PKD2L2: variants seen among roughly 807,000 people sequenced by gnomAD.
The protein encoded by PKD2L2 is polycystin-2-like protein 2.
PKD2L2 carries 67 observed loss-of-function variants against 83.9 expected under a neutral mutation model. That is an observed-to-expected ratio of 0.80 (90% CI 0.66 to 0.98). The LOEUF (loss-of-function observed/expected upper bound fraction) is 0.98. Among genes scored for constraint, PKD2L2 ranks in the 50% least tolerant of loss-of-function variants. The pLI is 0.00. For synonymous variants in PKD2L2, 223 were observed against 237.8 expected, an observed-to-expected ratio of 0.94 and a Z score of 0.57; for missense variants, 632 against 717.2, an observed-to-expected ratio of 0.88 and a Z score of 1.36.
At chr5:137,932,825 G>A (rs1759984621) in intron 12 of PKD2L2, among the ~76,000 whole-genome samples, 1 of 152,140 alleles carries the variant, frequency 6.6e-6, no homozygotes, top group African/African-American at 2.4e-5. Context: ...AAATGCTCCA[G>A]TGAGCATTTC....
chr5:137,895,186 G>A (rs1356633255), intron 4 of PKD2L2, among the ~76,000 whole-genome samples: 1 of 152,094 alleles, frequency 6.6e-6, no homozygotes, highest in Non-Finnish European at 1.5e-5. Flanking sequence ...GAAAATGTGA[G>A]GCTGGACATG....
rs745732509 is a variant in PKD2L2 at position 137,936,308 on chromosome 5, G to A, written c.1785-12G>A. 1.4e-5 allele frequency: 22 copies of A among 1,527,180 alleles called. No homozygotes were observed. Among genetic ancestry groups the A allele is most frequent in the South Asian group, 3.6e-5 (3 of 83,832 alleles). 94.6% of individuals were successfully genotyped at this position (1,527,180 alleles called of 1,614,324 possible). ...TACTGACTCATTCTCTACTTCCTTC[G>A]AAATTTTCTAGACTTTTTTTATATG... On this transcript the variant is annotated splice_polypyrimidine_tract_variant and intron_variant, in intron 13 of 14. Transcript: ENST00000508883.
At chr5:137,937,906 GTCT>G (rs1760622344) in intron 14 of PKD2L2, 1 of 150,892 alleles carries the variant, frequency 6.6e-6, no homozygotes, top group South Asian at 2.1e-4. Context: ...AACACTTGAG[GTCT>G]TTTTTTTTTT....
At chr5:137,909,684 G>A (rs1220202365) in intron 8 of PKD2L2, among the ~76,000 whole-genome samples, 1 of 151,372 alleles carries the variant, frequency 6.6e-6, no homozygotes. Context: ...AGCTGGGTGT[G>A]CCACCACATC....
At chr5:137,924,898 A>G in intron 10 of PKD2L2, 142 bp from the exon 11 acceptor site, 1 of 619,676 alleles carries the variant, frequency 1.6e-6, no homozygotes, top group East Asian at 2.8e-5. Context: ...TGAAAGAAGG[A>G]TAATCATAGC....
rs535486443 is a variant in PKD2L2 at position 137,913,536 on chromosome 5, T to C, written c.1328+4590T>C. 7.7e-5 allele frequency among the ~76,000 whole-genome samples: 11 copies of C among 143,718 alleles called. No individual in the cohort carries two copies. In the South Asian group the frequency reaches 2.4e-3, roughly 32 times the overall value. The allele number at this position is 143,718 out of a possible 152,430, so 94.3% of individuals were successfully genotyped here. A position where few individuals can be genotyped will look rare whatever the true frequency, so the allele number is the denominator to read the frequency against. On this transcript the variant is annotated intron_variant, in intron 8 of 14. Transcript: ENST00000508883. ...TGGAGTCTCACTCTGTCACCCAGGC[T>C]CTGAAATGCAATGGTGCCATCTCAG...
intron 1 of PKD2L2, chr5:137,890,247 A>C (rs1382878256): frequency 2.4e-5 from 8 of 334,948 alleles, no homozygotes; most frequent in Middle Eastern, 8.5e-4. Flanking sequence ...CGCGTCACTG[A>C]ACTCCAGCCT....
intron 12 of PKD2L2, among the ~76,000 whole-genome samples, chr5:137,929,534 CAAAAAAAAAAAAAAA>C (rs756601170): frequency 1.2e-3 from 4 of 3,440 alleles, no homozygotes; most frequent in Non-Finnish European, 1.9e-3. Context: ...ACAAAATTGC[CAAAAAAAAAAAAAAA>C]AAAAAAAAAA....
intron 2 of PKD2L2, 113 bp downstream of exon 2, chr5:137,890,695 CAA>C (rs1755892128): frequency 1.9e-6 from 1 of 529,292 alleles, no homozygotes; most frequent in Non-Finnish European, 3.4e-6. Flanking sequence ...TACTAAAACT[CAA>C]AATACAGTGA....
chr5:137,921,342 CAG>C (rs1426820467), intron 8 of PKD2L2, among the ~76,000 whole-genome samples: 2 of 137,160 alleles, frequency 1.5e-5, no homozygotes, highest in East Asian at 2.1e-4. Context: ...GCCTGGGCGA[CAG>C]AGTTTGACTG....
At chr5:137,936,479 G>A (rs375752209) in intron 14 of PKD2L2, 52 bp downstream of exon 14, 11 of 1,422,762 alleles carry the variant, frequency 7.7e-6, no homozygotes, top group East Asian at 2.6e-5. Flanking sequence ...TTTTTGAGAC[G>A]GAGTCTCGCT....
At chr5:137,918,337 C>CA (rs1758566659) in intron 8 of PKD2L2, among the ~76,000 whole-genome samples, 1 of 151,694 alleles carries the variant, frequency 6.6e-6, no homozygotes, top group South Asian at 2.1e-4. Context: ...GTCTGGATCC[C>CA]AAAAAAGGAA....
At chr5:137,917,124 A>G (rs1336702277) in intron 8 of PKD2L2, among the ~76,000 whole-genome samples, 1 of 146,744 alleles carries the variant, frequency 6.8e-6, no homozygotes, top group Non-Finnish European at 1.5e-5. Context: ...GGTCTACTTG[A>G]TGGTGTCCTG....
intron 12 of PKD2L2, among the ~76,000 whole-genome samples, chr5:137,928,808 G>T (rs1310811805): frequency 6.6e-6 from 1 of 152,164 alleles, no homozygotes; most frequent in African/African-American, 2.4e-5. Context: ...GGCCTTGAGC[G>T]ATCCTCCCGC....
rs542708338 is a variant in PKD2L2 at position 137,908,972 on chromosome 5, A to G, written c.1328+26A>G. 8 of 1,365,708 alleles carry G rather than the reference A, an allele frequency of 5.9e-6. No homozygotes were observed. In the East Asian group the frequency reaches 1.6e-4, roughly 28 times the overall value. 84.6% of individuals were successfully genotyped at this position (1,365,708 alleles called of 1,614,324 possible). A position where few individuals can be genotyped will look rare whatever the true frequency, so the allele number is the denominator to read the frequency against. On this transcript the variant is annotated intron_variant, in intron 8 of 14. Transcript: ENST00000508883. The stretch of plus-strand genomic sequence containing the variant: ...GTAAGCTCTTAGTATAAATGTAATT[A>G]TATCTTCTATATTTTCTTACAAAAA...
At chr5:137,895,592 G>A (rs185133767) in intron 4 of PKD2L2, among the ~76,000 whole-genome samples, 1 of 151,872 alleles carries the variant, frequency 6.6e-6, no homozygotes, top group Non-Finnish European at 1.5e-5. Context: ...TGCTTTTAGA[G>A]CTTTATGAAA....
chr5:137,889,651 T>C lies in PKD2L2; in HGVS notation c.31+129T>C, dbSNP rs573220060. On this transcript the variant is annotated intron_variant, in intron 1 of 14. Transcript: ENST00000508883. ...GCCGACACCTTTAGCCCTCACAGCC[T>C]CCCCTGGGGAAGCGGAGAGGGACAG... 5.4e-4 allele frequency: 391 copies of C among 724,584 alleles called. 3 individuals carry two copies. The South Asian group carries it at 7.0e-3, about 13-fold the overall frequency. 44.9% of individuals were successfully genotyped at this position (724,584 alleles called of 1,614,324 possible).
chr5:137,916,453 ATTC>A (rs2150035838), intron 8 of PKD2L2, among the ~76,000 whole-genome samples: 1 of 136,970 alleles, frequency 7.3e-6, no homozygotes, highest in Admixed American at 7.4e-5. Flanking sequence ...CAGATATAAG[ATTC>A]TTAATTGCCA....
intron 4 of PKD2L2, among the ~76,000 whole-genome samples, chr5:137,894,930 A>G (rs997810208): frequency 3.6e-4 from 55 of 152,302 alleles, no homozygotes; most frequent in African/African-American, 1.3e-3. Flanking sequence ...CTGTGGCTAG[A>G]TGCCCACAAC....
Sources: gnomAD v4.1 joint callset for allele counts (sites outside exome capture counted in the v4.1 genomes callset) on GRCh38, gnomAD v4.1.1 for gene constraint, MANE v1.5 for transcripts, NCBI Gene and HGNC (gene_info 2026-07-23, HGNC 2026-07-21) for gene names.